The following FGF12 variants were observed in gnomAD, a reference collection of about 807,000 sequenced individuals.
The protein encoded by FGF12 is fibroblast growth factor 12, also known as fibroblast growth factor 12B.
FGF12 carries 14 observed loss-of-function variants against 23.6 expected under a neutral mutation model. That is an observed-to-expected ratio of 0.59 (90% CI 0.39 to 0.93). The LOEUF (loss-of-function observed/expected upper bound fraction) is 0.93. FGF12 is among the 40% of genes least tolerant of loss of function. FGF12 has a pLI of 0.00. For missense variants in FGF12, 175 were observed against 217.8 expected (o/e 0.80, Z 1.24); for synonymous variants, 62 against 77.3 (o/e 0.80, Z 1.04).
intron 2 of FGF12, among the ~76,000 whole-genome samples, chr3:192,529,441 T>A (rs1725033544): frequency 6.6e-6 from 1 of 152,136 alleles, no homozygotes; most frequent in Non-Finnish European, 1.5e-5. Context: ...CTCTAGGGAG[T>A]TCCAAACTGT....
At chr3:192,303,553 A>C (rs1390138546) in intron 4 of FGF12, among the ~76,000 whole-genome samples, 2 of 152,180 alleles carry the variant, frequency 1.3e-5, no homozygotes, top group Non-Finnish European at 2.9e-5. Flanking sequence ...AAGAGACTGA[A>C]ATTTACATTC....
chr3:192,617,272 GA>G (rs1041198218), intron 2 of FGF12, among the ~76,000 whole-genome samples: 1 of 152,046 alleles, frequency 6.6e-6, no homozygotes, highest in Non-Finnish European at 1.5e-5. Context: ...AAAGTCATTG[GA>G]AAAAACATAA....
At chr3:192,499,057 T>A (rs1028187215) in intron 2 of FGF12, among the ~76,000 whole-genome samples, 1 of 151,744 alleles carries the variant, frequency 6.6e-6, no homozygotes, top group African/African-American at 2.4e-5. Context: ...AAAATGAAGC[T>A]TTATTTTTAT....
intron 2 of FGF12, among the ~76,000 whole-genome samples, chr3:192,542,630 A>T: frequency 6.7e-6 from 1 of 150,296 alleles, no homozygotes; most frequent in African/African-American, 2.4e-5. Context: ...TTTTTTTTCC[A>T]CCTGTCCTTC....
intron 4 of FGF12, among the ~76,000 whole-genome samples, chr3:192,245,858 A>G (rs1382167466): frequency 6.6e-6 from 1 of 152,226 alleles, no homozygotes; most frequent in East Asian, 1.9e-4. Context: ...TATAAGTGAC[A>G]GACAACAGAG....
intron 2 of FGF12, among the ~76,000 whole-genome samples, chr3:192,663,662 G>A (rs1430934334): frequency 6.6e-6 from 1 of 152,048 alleles, no homozygotes; most frequent in Non-Finnish European, 1.5e-5. Flanking sequence ...CATTAAACAT[G>A]AAGAAACATG....
chr3:192,579,318 A>AAC (rs999436241), intron 2 of FGF12, among the ~76,000 whole-genome samples: 1 of 152,070 alleles, frequency 6.6e-6, no homozygotes. Context: ...CAATTCTTAA[A>AAC]ACACACACAC....
intron 4 of FGF12, among the ~76,000 whole-genome samples, chr3:192,283,715 C>T (rs1044079984): frequency 6.6e-6 from 1 of 152,028 alleles, no homozygotes; most frequent in Non-Finnish European, 1.5e-5. Context: ...TTAGTCAAAA[C>T]TTGATGCACT....
chr3:192,693,447 T>TG (rs1718009192), intron 2 of FGF12, among the ~76,000 whole-genome samples: 7 of 152,266 alleles, frequency 4.6e-5, no homozygotes, highest in Non-Finnish European at 1.0e-4. Context: ...CAAAAGTCCC[T>TG]GAATAGCCAA....
chr3:192,183,639 T>C (rs1374509135), intron 4 of FGF12, among the ~76,000 whole-genome samples: 2 of 152,236 alleles, frequency 1.3e-5, no homozygotes, highest in Non-Finnish European at 2.9e-5. Flanking sequence ...CAAGTACACT[T>C]GTTTAATTTC....
intron 2 of FGF12, among the ~76,000 whole-genome samples, chr3:192,463,158 C>T (rs1722910602): frequency 6.6e-6 from 1 of 152,144 alleles, no homozygotes; most frequent in Non-Finnish European, 1.5e-5. Context: ...GTGGCTCATG[C>T]CTATAATCCC....
intron 2 of FGF12, among the ~76,000 whole-genome samples, chr3:192,721,707 C>A (rs1370594005): frequency 6.6e-6 from 1 of 152,070 alleles, no homozygotes; most frequent in African/African-American, 2.4e-5. Context: ...GGGTAACAAG[C>A]CTCATAATAA....
At chr3:192,468,555 T>C (rs1339832602) in intron 2 of FGF12, among the ~76,000 whole-genome samples, 2 of 152,216 alleles carry the variant, frequency 1.3e-5, no homozygotes, top group Non-Finnish European at 2.9e-5. Context: ...ACGCATTTTT[T>C]TGAAAGGATG....
intron 2 of FGF12, among the ~76,000 whole-genome samples, chr3:192,415,729 C>CA: frequency 1.4e-5 from 1 of 69,322 alleles, no homozygotes; most frequent in Non-Finnish European, 3.1e-5. Flanking sequence ...TTCTCTCTCT[C>CA]TCTCACACAC....
At chr3:192,158,449 CTTT>C (rs1292718924) in intron 5 of FGF12, among the ~76,000 whole-genome samples, 3 of 115,358 alleles carry the variant, frequency 2.6e-5, no homozygotes, top group Non-Finnish European at 5.7e-5. Context: ...TTTCTTTCTT[CTTT>C]TTTCTTGCTT....
intron 4 of FGF12, among the ~76,000 whole-genome samples, chr3:192,239,986 A>G (rs113077436): frequency 0.036 from 5,470 of 152,260 alleles, 325 homozygotes; most frequent in African/African-American, 0.13. Flanking sequence ...GCAGGGGGGA[A>G]GATCCCAGAA....
At chr3:192,248,045 T>G (rs939315247) in intron 4 of FGF12, among the ~76,000 whole-genome samples, 1 of 152,188 alleles carries the variant, frequency 6.6e-6, no homozygotes, top group African/African-American at 2.4e-5. Flanking sequence ...GGGGAATAAA[T>G]GGTTCAGCAA....
chr3:192,298,022 C>G (rs1027699072), intron 4 of FGF12, among the ~76,000 whole-genome samples: 29 of 152,104 alleles, frequency 1.9e-4, no homozygotes, highest in African/African-American at 7.0e-4. Flanking sequence ...AATATTAGAC[C>G]ATTAGCGCTG....
intron 2 of FGF12, among the ~76,000 whole-genome samples, chr3:192,430,516 AT>A (rs1305871528): frequency 6.6e-6 from 1 of 152,258 alleles, no homozygotes; most frequent in African/African-American, 2.4e-5. Flanking sequence ...TTTTATCTCA[AT>A]GAAAAATAAA....
Sources: allele counts gnomAD v4.1 joint callset (sites outside exome capture counted in the v4.1 genomes callset), GRCh38; gene constraint gnomAD v4.1.1; transcripts MANE v1.5; gene names NCBI Gene and HGNC (gene_info 2026-07-23, HGNC 2026-07-21).